B4GALT5: variants seen among roughly 807,000 people sequenced by gnomAD.
The protein encoded by B4GALT5 is UDP-Gal:beta-GlcNAc beta-1,4-galactosyltransferase 5.
In B4GALT5, 11 loss-of-function variants were observed where a neutral mutation model predicts 45.0. The observed-to-expected ratio is 0.24, with a 90% CI of 0.15 to 0.40. The LOEUF is 0.40. Among genes scored for constraint, B4GALT5 ranks in the 10% least tolerant of loss-of-function variants. B4GALT5 has a pLI of 1.00. For synonymous variants in B4GALT5, 185 were observed against 182.9 expected (o/e 1.01, Z -0.09); for missense variants, 337 against 500.2 (o/e 0.67, Z 3.11).
intron 1 of B4GALT5, among the ~76,000 whole-genome samples, chr20:49,704,663 G>T (rs1269379316): frequency 6.7e-6 from 1 of 150,014 alleles, no homozygotes; most frequent in Non-Finnish European, 1.5e-5. Flanking sequence ...AGCTTGCAGT[G>T]AGCCGAGATC....
At chr20:49,710,405 C>CTCTCTTT (rs60154358) in intron 1 of B4GALT5, among the ~76,000 whole-genome samples, 1 of 102,468 alleles carries the variant, frequency 9.8e-6, no homozygotes, top group African/African-American at 3.5e-5. Context: ...TTTTCTCTCT[C>CTCTCTTT]TTTTTTTTTT....
intron 2 of B4GALT5, among the ~76,000 whole-genome samples, chr20:49,653,510 A>AT (rs1364179699): frequency 6.6e-6 from 1 of 152,380 alleles, no homozygotes; most frequent in African/African-American, 2.4e-5. Flanking sequence ...GACAAAAGGA[A>AT]TGAAGCCATT....
intron 1 of B4GALT5, among the ~76,000 whole-genome samples, chr20:49,671,051 G>C (rs770008781): frequency 6.6e-6 from 1 of 152,130 alleles, no homozygotes; most frequent in Non-Finnish European, 1.5e-5. Flanking sequence ...CTGAAATAAT[G>C]ATTATTGTTT....
At chr20:49,650,476 A>T in intron 2 of B4GALT5, among the ~76,000 whole-genome samples, 1 of 141,698 alleles carries the variant, frequency 7.1e-6, no homozygotes, top group Admixed American at 7.2e-5. Flanking sequence ...AAAAAAAAAA[A>T]AAACACAAAA....
At chr20:49,641,322 A>C (rs189764264) in intron 5 of B4GALT5, among the ~76,000 whole-genome samples, 88 of 152,350 alleles carry the variant, frequency 5.8e-4, no homozygotes, top group African/African-American at 1.9e-3. Flanking sequence ...TCAGCACATC[A>C]ACCAATCTCT....
At chr20:49,674,663 G>T (rs369962783) in intron 1 of B4GALT5, among the ~76,000 whole-genome samples, 11 of 151,140 alleles carry the variant, frequency 7.3e-5, no homozygotes, top group African/African-American at 2.7e-4. Flanking sequence ...ACCAGCCTGG[G>T]AAACATAGCG....
intron 1 of B4GALT5, among the ~76,000 whole-genome samples, chr20:49,696,524 G>A (rs913998473): frequency 4.6e-5 from 7 of 152,260 alleles, no homozygotes; most frequent in African/African-American, 1.7e-4. Context: ...AGGATGTTTC[G>A]TTATAGTGGG....
At chr20:49,690,076 T>C (rs1461603375) in intron 1 of B4GALT5, among the ~76,000 whole-genome samples, 3 of 152,218 alleles carry the variant, frequency 2.0e-5, no homozygotes, top group African/African-American at 2.4e-5. Context: ...TGATCTCAGC[T>C]TTCTGCAACC....
At chr20:49,707,446 A>G (rs575382098) in intron 1 of B4GALT5, among the ~76,000 whole-genome samples, 5 of 151,802 alleles carry the variant, frequency 3.3e-5, no homozygotes, top group Non-Finnish European at 7.4e-5. Context: ...CCCCATATGT[A>G]TTTCATTCTA....
At chr20:49,688,664 T>C (rs933493142) in intron 1 of B4GALT5, among the ~76,000 whole-genome samples, 12 of 152,112 alleles carry the variant, frequency 7.9e-5, no homozygotes, top group Non-Finnish European at 1.5e-4. Flanking sequence ...CAAGGCCGGG[T>C]GCAGTGGCTC....
At chr20:49,686,728 CAAAAAAAAAAA>C (rs59766440) in intron 1 of B4GALT5, among the ~76,000 whole-genome samples, 1 of 59,456 alleles carries the variant, frequency 1.7e-5, no homozygotes, top group African/African-American at 7.2e-5. Context: ...TGTCTCTGCC[CAAAAAAAAAAA>C]AAAAAAAAAA....
rs938881789 is a variant in B4GALT5, at chr20:49,633,944, T to G, written c.*2368A>C. 1 of 151,462 alleles carries G rather than the reference T, an allele frequency of 6.6e-6. No individual in the cohort carries two copies. The highest frequency in any genetic ancestry group is 1.5e-5 in the Non-Finnish European group (1 of 67,742). 9.4% of individuals were successfully genotyped at this position (151,462 alleles called of 1,614,324 possible). A position where few individuals can be genotyped will look rare whatever the true frequency, so the allele number is the denominator to read the frequency against. ...ACAAAGGCCCGGTGGGGGATGGGGG[T>G]TGCAGGGTGGAGGGGGGTCTTTATT... On this transcript the variant is annotated 3_prime_UTR_variant, in exon 9 of 9. Coordinates refer to ENST00000371711, the MANE Select transcript of B4GALT5 (RefSeq NM_004776.4).
chr20:49,705,461 G>A (rs1440494993), intron 1 of B4GALT5, among the ~76,000 whole-genome samples: 2 of 152,104 alleles, frequency 1.3e-5, no homozygotes, highest in African/African-American at 2.4e-5. Context: ...GTAGAGACAC[G>A]AAGTCTGGAG....
intron 1 of B4GALT5, among the ~76,000 whole-genome samples, chr20:49,712,657 C>A (rs192115067): frequency 1.3e-3 from 192 of 152,246 alleles, no homozygotes; most frequent in African/African-American, 4.4e-3. Flanking sequence ...GCAGAGCAGG[C>A]ACTATCCAAT....
intron 1 of B4GALT5, among the ~76,000 whole-genome samples, chr20:49,683,103 GA>G (rs11475845): frequency 0.5 from 73,875 of 148,376 alleles, 18,546 homozygotes; most frequent in South Asian, 0.65. Context: ...TTCTGGGGAG[GA>G]AAAAAAAAAA....
chr20:49,642,735 G>A, intron 4 of B4GALT5, 151 bp from the exon 5 acceptor site: 1 of 628,140 alleles, frequency 1.6e-6, no homozygotes, highest in Non-Finnish European at 2.9e-6. Flanking sequence ...GATCTATGTT[G>A]GCAAGTTGGC....
intron 1 of B4GALT5, among the ~76,000 whole-genome samples, chr20:49,692,454 G>A (rs2085818020): frequency 6.6e-6 from 1 of 152,162 alleles, no homozygotes; most frequent in Non-Finnish European, 1.5e-5. Context: ...GTGACAGAGC[G>A]AGACCCTGTC....
intron 1 of B4GALT5, among the ~76,000 whole-genome samples, chr20:49,661,322 T>C (rs571652653): frequency 5.3e-5 from 8 of 152,178 alleles, no homozygotes; most frequent in African/African-American, 1.9e-4. Flanking sequence ...GCAACCTCCA[T>C]TTCCCAGGTT....
At chr20:49,692,340 G>A (rs1186339516) in intron 1 of B4GALT5, among the ~76,000 whole-genome samples, 2 of 151,594 alleles carry the variant, frequency 1.3e-5, no homozygotes, top group Non-Finnish European at 2.9e-5. Flanking sequence ...GGTGGCGCGT[G>A]CCTGTAGTCC....
Sources: allele counts gnomAD v4.1 joint callset (sites outside exome capture counted in the v4.1 genomes callset), GRCh38; gene constraint gnomAD v4.1.1; transcripts MANE v1.5; gene names NCBI Gene and HGNC (gene_info 2026-07-23, HGNC 2026-07-21).